The following SULF2 variants were observed in gnomAD, a reference collection of about 807,000 sequenced individuals.
SULF2 encodes the protein extracellular sulfatase Sulf-2.
SULF2 carries 52 observed loss-of-function variants against 107.7 expected under a neutral mutation model. The ratio of observed to expected loss-of-function variants is 0.48; its 90% CI spans 0.39 to 0.61. The LOEUF is 0.61. Among genes scored for constraint, SULF2 ranks in the 20% least tolerant of loss-of-function variants. The pLI, the probability that SULF2 is intolerant of heterozygous loss-of-function variation, is 0.00. For missense variants in SULF2, 993 were observed against 1,177.3 expected (o/e 0.84, Z 2.29); for synonymous variants, 460 against 464.3 (o/e 0.99, Z 0.12).
At chr20:47,769,439 C>T (rs2090588091) in intron 1 of SULF2, among the ~76,000 whole-genome samples, 1 of 150,454 alleles carries the variant, frequency 6.6e-6, no homozygotes. Context: ...CTCAAGTGAT[C>T]TGCCCACCTT....
At chr20:47,754,488 G>A (rs77339346) in intron 2 of SULF2, among the ~76,000 whole-genome samples, 1,016 of 97,858 alleles carry the variant, frequency 0.01, 12 homozygotes, top group African/African-American at 0.036. Flanking sequence ...CCCATCCCTT[G>A]CCTCCTTCAA....
rs2088152690 is a variant in SULF2 at position 47,690,267 on chromosome 20, T to A, written c.596A>T (p.Asp199Val). The change falls in exon 5 of 21, where the codon GAC becomes GTC. Residue 199 changes from aspartate to valine, a missense_variant. Around this residue, in one of 3 missense-constraint regions of SULF2, gnomAD observed 388 missense variants for 449.2 expected, o/e 0.86. Transcript: ENST00000688720. ...GGACGTGCGGAAGAAGCTCACGCTG[T>A]CATTGGTGATGAGGTCTGTGAGGTA... ...KDYLTDLITN[D>V]SVSFFRTSKK... The A allele has an allele frequency of 6.5e-7, 1 of 1,545,836 alleles. No homozygotes were observed. The highest frequency in any genetic ancestry group is 1.4e-5 in the African/African-American group (1 of 72,752).
intron 1 of SULF2, among the ~76,000 whole-genome samples, chr20:47,779,029 C>T (rs574848096): frequency 1.2e-4 from 19 of 152,290 alleles, no homozygotes; most frequent in African/African-American, 4.6e-4. Flanking sequence ...CATCTCAAAC[C>T]CAACATTTCC....
chr20:47,662,135 G>A (rs746850293), intron 17 of SULF2, among the ~76,000 whole-genome samples: 8 of 152,186 alleles, frequency 5.3e-5, no homozygotes, highest in Admixed American at 2.0e-4. Flanking sequence ...TAAAAACCAC[G>A]TCTGTGTATT....
chr20:47,714,317 C>T (rs2089034833), intron 3 of SULF2, among the ~76,000 whole-genome samples: 1 of 152,212 alleles, frequency 6.6e-6, no homozygotes, highest in Admixed American at 6.5e-5. Context: ...ATCAGCACTT[C>T]ACACCGGCCT....
intron 11 of SULF2, among the ~76,000 whole-genome samples, chr20:47,671,014 C>T (rs2087452817): frequency 6.6e-6 from 1 of 152,144 alleles, no homozygotes; most frequent in Admixed American, 6.5e-5. Flanking sequence ...CGCCTCCACA[C>T]ATTTTCAGGG....
chr20:47,703,760 T>C (rs2088641874), intron 3 of SULF2, among the ~76,000 whole-genome samples: 1 of 152,206 alleles, frequency 6.6e-6, no homozygotes, highest in African/African-American at 2.4e-5. Context: ...AAATGAAATG[T>C]TTATCAACAA....
chr20:47,745,390 AAAAAAAAAAAAAAAAAAAAAAT>A lies in SULF2; in HGVS notation c.176-8470_176-8449del, dbSNP rs1182398319. ...TGTTCTGAGTTTTGAGGGAAAAAAAAAAAAAAAAAAAAAAAAAAAAATATATATATATATATATATATATATA... is the reference window on the plus strand; with the variant it reads ...TGTTCTGAGTTTTGAGGGAAAAAAAAATATATATATATATATATATATATA... On this transcript the variant is annotated intron_variant, in intron 2 of 20. Coordinates refer to ENST00000688720, the MANE Select transcript of SULF2 (RefSeq NM_001387048.1). 3.1e-3 allele frequency among the ~76,000 whole-genome samples: 42 copies of A among 13,576 alleles called. 1 individual carries two copies. Among genetic ancestry groups the A allele is most frequent in the Middle Eastern group, 0.062 (2 of 32 alleles). 8.9% of individuals were successfully genotyped at this position (13,576 alleles called of 152,430 possible). A position where few individuals can be genotyped will look rare whatever the true frequency, so the allele number is the denominator to read the frequency against.
At chr20:47,737,760 T>TTG (rs2089777378) in intron 2 of SULF2, among the ~76,000 whole-genome samples, 1 of 131,240 alleles carries the variant, frequency 7.6e-6, no homozygotes, top group African/African-American at 2.9e-5. Flanking sequence ...TCTTTGTTTT[T>TTG]TTTTTTTTTT....
intron 3 of SULF2, among the ~76,000 whole-genome samples, chr20:47,709,656 C>G (rs1054522936): frequency 1.3e-5 from 2 of 152,080 alleles, no homozygotes; most frequent in African/African-American, 4.8e-5. Flanking sequence ...TTTTAGGGAG[C>G]TACTAGAAAA....
At chr20:47,684,403 C>T (rs1019108202) in intron 6 of SULF2, 28 bp downstream of exon 6, 4 of 1,587,036 alleles carry the variant, frequency 2.5e-6, no homozygotes, top group Non-Finnish European at 3.4e-6. Context: ...GAGCCACGCC[C>T]ACCAAGAGGC....
At chr20:47,663,369 T>C (rs1000725891) in intron 16 of SULF2, 84 bp downstream of exon 16, 2 of 1,585,788 alleles carry the variant, frequency 1.3e-6, no homozygotes, top group Non-Finnish European at 8.6e-7. Context: ...ACCCCCTTTC[T>C]GAGAGAGGTC....
At chr20:47,676,124 A>G (rs1347281966) in intron 10 of SULF2, among the ~76,000 whole-genome samples, 1 of 152,222 alleles carries the variant, frequency 6.6e-6, no homozygotes, top group African/African-American at 2.4e-5. Context: ...TATTACTCCT[A>G]TAAAAGGAAA....
At chr20:47,732,051 C>CTT (rs11086224) in intron 3 of SULF2, among the ~76,000 whole-genome samples, 1 of 149,510 alleles carries the variant, frequency 6.7e-6, no homozygotes. Context: ...TCATTGCTAA[C>CTT]TTTTTTTTAT....
chr20:47,781,913 G>T (rs1345215485), intron 1 of SULF2, among the ~76,000 whole-genome samples: 1 of 152,126 alleles, frequency 6.6e-6, no homozygotes, highest in Non-Finnish European at 1.5e-5. Context: ...GAGGAGCGGT[G>T]GATAGGAATG....
chr20:47,739,419 G>A (rs781139041), intron 2 of SULF2, among the ~76,000 whole-genome samples: 2 of 152,130 alleles, frequency 1.3e-5, no homozygotes, highest in Non-Finnish European at 2.9e-5. Context: ...TGAGGTCCCA[G>A]TATTGCACAT....
chr20:47,765,946 G>T (rs1446445917), intron 1 of SULF2, among the ~76,000 whole-genome samples: 1 of 152,238 alleles, frequency 6.6e-6, no homozygotes, highest in East Asian at 1.9e-4. Flanking sequence ...TCCTGGAGGA[G>T]TACTTAGCAT....
At chr20:47,774,034 AGC>A (rs2146977779) in intron 1 of SULF2, among the ~76,000 whole-genome samples, 2 of 152,362 alleles carry the variant, frequency 1.3e-5, no homozygotes, top group South Asian at 4.1e-4. Flanking sequence ...TTAGCAGATG[AGC>A]TGTTCATTAG....
intron 1 of SULF2, among the ~76,000 whole-genome samples, chr20:47,758,206 T>C (rs2090340310): frequency 6.7e-6 from 1 of 150,060 alleles, no homozygotes; most frequent in Admixed American, 6.7e-5. Context: ...TTTGCTCTTG[T>C]TGCTCAGGCT....
Sources: gnomAD v4.1 joint callset for allele counts (sites outside exome capture counted in the v4.1 genomes callset) on GRCh38, gnomAD v4.1.1 for gene constraint, gnomAD v4.1.1 regional missense constraint, MANE v1.5 for transcripts, NCBI Gene and HGNC (gene_info 2026-07-23, HGNC 2026-07-21) for gene names.